Variants in MACF1 observed in about 807,000 individuals in gnomAD.
The protein encoded by MACF1 is microtubule-actin cross-linking factor 1.
In MACF1, 193 loss-of-function variants were observed where a neutral mutation model predicts 854.8. That is an observed-to-expected ratio of 0.23 (90% CI 0.20 to 0.25). The LOEUF (loss-of-function observed/expected upper bound fraction) is 0.25, where lower values mean the gene tolerates loss of function less well. Among genes scored for constraint, MACF1 ranks in the 10% least tolerant of loss-of-function variants. MACF1 has a pLI of 1.00. For synonymous variants in MACF1, 3,185 were observed against 3,226.7 expected (o/e 0.99, Z 0.44); for missense variants, 7,722 against 8,929.1 (o/e 0.86, Z 5.45).
At chr1:39,240,623 C>G (rs560921582) in intron 2 of MACF1, among the ~76,000 whole-genome samples, 17 of 152,294 alleles carry the variant, frequency 1.1e-4, no homozygotes, top group Admixed American at 9.2e-4. Flanking sequence ...CTCAGCCTCC[C>G]GAGTAGCTGG....
At chr1:39,368,702 A>G (rs970960962) in intron 50 of MACF1, among the ~76,000 whole-genome samples, 3 of 152,050 alleles carry the variant, frequency 2.0e-5, no homozygotes, top group African/African-American at 7.2e-5. Context: ...GGGTTTCCCT[A>G]CACTGGCCAG....
chr1:39,422,477 A>C lies in MACF1; in HGVS notation c.15920A>C (p.Gln5307Pro). ...AGTGCAGGAAAAGACTGTGATGTAC[A>C]GGGTTTAGAACATGACATGGAAGAG... ...IQSAGKDCDVQGLEHDMEEIN... is the reference protein window; with the variant it reads ...IQSAGKDCDVPGLEHDMEEIN... The change falls in exon 59 of 101, where the codon CAG (glutamine) becomes CCG (proline). Residue 5307 changes from glutamine (Q) to proline (P), a missense_variant. Coordinates refer to ENST00000564288, the MANE Select transcript of MACF1 (RefSeq NM_001394062.1). The C allele has an allele frequency of 6.2e-7, 1 of 1,614,154 alleles. No homozygotes were observed. Among genetic ancestry groups the C allele is most frequent in the South Asian group, 1.1e-5 (1 of 91,086 alleles).
chr1:39,411,489 T>C (rs1203499343), intron 58 of MACF1: 4 of 1,613,788 alleles, frequency 2.5e-6, no homozygotes, highest in East Asian at 2.2e-5. Flanking sequence ...ACCAGTTGGC[T>C]ACTGTTCCCA....
intron 35 of MACF1, among the ~76,000 whole-genome samples, chr1:39,326,880 G>C (rs1007512354): frequency 1.5e-4 from 23 of 152,036 alleles, no homozygotes; most frequent in Admixed American, 8.5e-4. Context: ...AAACTGAAAG[G>C]TAGAGTTATA....
chr1:39,250,029 A>G lies in MACF1; in HGVS notation c.187A>G (p.Asn63Asp). ...TCATTCACAGGTCCGCAAGCACATC[A>G]ATGATCTTTATGAAGATCTGCGGGA... ...KHLMKVRKHI[N>D]DLYEDLRDGH... The change falls in exon 3 of 101, where the codon AAT (asparagine) becomes GAT (aspartate). Residue 63 changes from asparagine to aspartate, a missense_variant. Physicochemically the swap from Asn to Asp is conservative, Grantham distance 23 (BLOSUM62 1). Around this residue, in one of 15 missense-constraint regions of MACF1, gnomAD observed 82 missense variants for 84.0 expected, o/e 0.98. Transcript: ENST00000564288. 6.2e-7 allele frequency: 1 copy of G among 1,611,402 alleles called. No homozygotes were observed.
rs564243559 is a variant in MACF1, at chr1:39,153,114, C to T, written c.220+68676C>T. 3.9e-5 allele frequency among the ~76,000 whole-genome samples: 6 copies of T among 152,310 alleles called. No individual in the cohort carries two copies. The East Asian group carries it at 1.2e-3, about 29-fold the overall frequency. On this transcript the variant is annotated intron_variant, in intron 2 of 93. Coordinates refer to the MACF1 transcript ENST00000361689. The stretch of plus-strand genomic sequence containing the variant: ...AGCTGTTGACCTGACCTCTGTTACA[C>T]CTGACTGTTTCAATATGCCTTTGTG...
chr1:39,250,129 C>T (rs367962646), intron 3 of MACF1, 26 bp downstream of exon 3: 8 of 1,504,754 alleles, frequency 5.3e-6, no homozygotes, highest in Non-Finnish European at 6.5e-6. Context: ...TGAATGGCCT[C>T]ACAATTGTGG....
rs536771861 is a variant in MACF1, at chr1:39,136,304, G to A, written c.220+51866G>A. 2.0e-5 allele frequency among the ~76,000 whole-genome samples: 3 copies of A among 152,324 alleles called. No individual in the cohort carries two copies. The South Asian group carries it at 6.2e-4, about 32-fold the overall frequency. On this transcript the variant is annotated intron_variant, in intron 2 of 93. Transcript: ENST00000361689. The stretch of plus-strand genomic sequence containing the variant: ...TCTGAAGAAAGACTGCTATCCAGCT[G>A]TGATTTTTCTGCCTTCCAGGTTAGA...
At chr1:39,282,420 C>T (rs1645564752) in intron 7 of MACF1, 46 bp downstream of exon 7, 2 of 1,564,576 alleles carry the variant, frequency 1.3e-6, no homozygotes, top group Non-Finnish European at 1.7e-6. Context: ...TTTTTCTCAT[C>T]TCTTGTTTGT....
chr1:39,478,749 T>C (rs1173988318), intron 97 of MACF1, among the ~76,000 whole-genome samples: 2 of 152,204 alleles, frequency 1.3e-5, no homozygotes, highest in African/African-American at 4.8e-5. Context: ...ACCTTCTAGA[T>C]TTATGGTTTC....
chr1:39,434,342 A>G lies in MACF1; in HGVS notation c.17566-72A>G, dbSNP rs909510309. On this transcript the variant is annotated intron_variant, in intron 68 of 100. Coordinates refer to ENST00000564288, the MANE Select transcript of MACF1 (RefSeq NM_001394062.1). ...TTCTTTTAGACTTTTTAATGTATATATACCTACTTTTTTTCTTAAGAGTTT... is the reference window on the plus strand; with the variant it reads ...TTCTTTTAGACTTTTTAATGTATATGTACCTACTTTTTTTCTTAAGAGTTT... 30 of 785,294 alleles carry G rather than the reference A, an allele frequency of 3.8e-5. No homozygotes were observed. The African/African-American group carries it at 5.0e-4, about 13-fold the overall frequency. 48.6% of individuals were successfully genotyped at this position (785,294 alleles called of 1,614,324 possible).
chr1:39,360,052 T>TAC (rs373864736), intron 47 of MACF1, among the ~76,000 whole-genome samples: 566 of 49,636 alleles, frequency 0.011, 10 homozygotes, highest in East Asian at 0.021. Context: ...TATATATATA[T>TAC]ACACACACAC....
intron 29 of MACF1, 94 bp from the exon 30 acceptor site, chr1:39,318,359 C>A: frequency 8.6e-7 from 1 of 1,164,884 alleles, no homozygotes; most frequent in Non-Finnish European, 1.2e-6. Flanking sequence ...TGGTCAAGCC[C>A]AGCTGGATAC....
At chr1:39,342,569 C>A (rs1371546822) in intron 40 of MACF1, among the ~76,000 whole-genome samples, 1 of 139,302 alleles carries the variant, frequency 7.2e-6, no homozygotes, top group Non-Finnish European at 1.5e-5. Context: ...CAGAGTCTCT[C>A]TCTGTCACCC....
intron 2 of MACF1, chr1:39,103,106 C>T (rs963159475): frequency 1.1e-5 from 6 of 549,490 alleles, no homozygotes; most frequent in South Asian, 3.7e-5. Flanking sequence ...CTAGCCACAA[C>T]CTAAAGCAGA....
Position 39,453,794 on chromosome 1 carries a change from G to T in MACF1, c.20830G>T (p.Asp6944Tyr). The change falls in exon 88 of 101, where the codon GAT (aspartate) becomes TAT (tyrosine). Residue 6944 changes from aspartate to tyrosine, a missense_variant. By Grantham distance (160) the Asp-to-Tyr change is radical. Around this residue, in one of 15 missense-constraint regions of MACF1, gnomAD observed 729 missense variants for 900.5 expected, o/e 0.81. Coordinates refer to ENST00000564288, the MANE Select transcript of MACF1 (RefSeq NM_001394062.1). Reference sequence around the variant, plus strand: ...AGTCATCCTGGCTGTCTGCCACCCCGATTGCATCACAACCATCAAACACTG... The same window carrying T: ...AGTCATCCTGGCTGTCTGCCACCCCTATTGCATCACAACCATCAAACACTG... ...GEVILAVCHPDCITTIKHWIT... is the reference protein window; with the variant it reads ...GEVILAVCHPYCITTIKHWIT... 1 of 1,614,164 alleles carries T rather than the reference G, an allele frequency of 6.2e-7. No individual in the cohort carries two copies. The highest frequency in any genetic ancestry group is 8.5e-7 in the Non-Finnish European group (1 of 1,180,026).
intron 1 of MACF1, among the ~76,000 whole-genome samples, chr1:39,224,600 G>T (rs888715653): frequency 1.3e-5 from 2 of 152,112 alleles, no homozygotes; most frequent in Non-Finnish European, 2.9e-5. Flanking sequence ...ATAGGAGGTG[G>T]GGAAGTGAAG....
At chr1:39,413,083 A>G (rs752977560) in intron 58 of MACF1, 4 of 1,603,178 alleles carry the variant, frequency 2.5e-6, no homozygotes, top group South Asian at 2.2e-5. Context: ...TGCAGCAGCC[A>G]TCACACAGGA....
intron 2 of MACF1, among the ~76,000 whole-genome samples, chr1:39,248,915 A>G (rs1200592981): frequency 6.6e-6 from 1 of 151,934 alleles, no homozygotes; most frequent in Non-Finnish European, 1.5e-5. Context: ...TTTGTAGAGA[A>G]GGGGGTCTCC....
Sources: allele counts gnomAD v4.1 joint callset (sites outside exome capture counted in the v4.1 genomes callset), GRCh38; gene constraint gnomAD v4.1.1; regional missense constraint gnomAD v4.1.1; transcripts MANE v1.5; gene names NCBI Gene and HGNC (gene_info 2026-07-23, HGNC 2026-07-21).